Variants in MIPOL1 observed in about 807,000 individuals in gnomAD.
The protein encoded by MIPOL1 is mirror-image polydactyly gene 1 protein.
In MIPOL1, 57 loss-of-function variants were observed where a neutral mutation model predicts 60.9. That is an observed-to-expected ratio of 0.94 (90% confidence interval 0.76 to 1.17). The LOEUF (loss-of-function observed/expected upper bound fraction) is 1.17. MIPOL1 is among the 50% of genes most tolerant of loss of function. The pLI, the probability that MIPOL1 is intolerant of heterozygous loss-of-function variation, is 0.00. For synonymous variants in MIPOL1, 179 were observed against 168.8 expected, an observed-to-expected ratio of 1.06 and a Z score of -0.47; for missense variants, 551 against 511.6, an observed-to-expected ratio of 1.08 and a Z score of -0.74.
intron 10 of MIPOL1, among the ~76,000 whole-genome samples, chr14:37,411,284 TACACAACACATGATTTCTTTC>T (rs1396234672): frequency 3.3e-5 from 5 of 152,152 alleles, no homozygotes; most frequent in Admixed American, 2.0e-4. Flanking sequence ...GCAGTGATGT[TACACAACACATGATTTCTTTC>T]ACACAACCAC....
intron 9 of MIPOL1, among the ~76,000 whole-genome samples, chr14:37,316,163 A>G (rs2153441093): frequency 6.6e-6 from 1 of 151,774 alleles, no homozygotes; most frequent in South Asian, 2.1e-4. Flanking sequence ...AGTAGCTGGG[A>G]TTACAGGCCT....
intron 10 of MIPOL1, among the ~76,000 whole-genome samples, chr14:37,414,602 A>G (rs950504125): frequency 7.2e-5 from 11 of 152,142 alleles, no homozygotes; most frequent in African/African-American, 2.7e-4. Context: ...AATCCCTTTT[A>G]AATAATCATT....
At chr14:37,430,511 TTA>T (rs922509412) in intron 11 of MIPOL1, among the ~76,000 whole-genome samples, 56 of 94,142 alleles carry the variant, frequency 5.9e-4, no homozygotes, top group Non-Finnish European at 9.8e-4. Flanking sequence ...GTTTTTTTTT[TTA>T]AAAAAAAGTA....
rs369107786 is a variant in MIPOL1 at position 37,484,554 on chromosome 14, T to C, written c.1032-15354T>C. The stretch of plus-strand genomic sequence containing the variant: ...GGTTTCACCATGTTGTCCAGGATGG[T>C]CTCAATCTCTTGACCTCGTGATCCG... On this transcript the variant is annotated intron_variant, in intron 11 of 12. Transcript: ENST00000684589. Among the ~76,000 whole-genome samples the C allele has an allele frequency of 1.6e-4, 25 of 152,134 alleles. No individual in the cohort carries two copies. In the South Asian group the frequency reaches 5.0e-3, roughly 30 times the overall value.
At chr14:37,381,529 C>G (rs576077102) in intron 10 of MIPOL1, among the ~76,000 whole-genome samples, 24 of 150,402 alleles carry the variant, frequency 1.6e-4, no homozygotes, top group African/African-American at 5.6e-4. Flanking sequence ...TTTGAATAAT[C>G]AAAAAAATGT....
chr14:37,252,276 A>T (rs1001798706), intron 3 of MIPOL1, among the ~76,000 whole-genome samples: 4 of 151,880 alleles, frequency 2.6e-5, no homozygotes, highest in South Asian at 4.1e-4. Context: ...AAACATGATC[A>T]TGATTCTAAA....
intron 11 of MIPOL1, among the ~76,000 whole-genome samples, chr14:37,455,156 A>T (rs2094463711): frequency 6.6e-6 from 1 of 152,220 alleles, no homozygotes; most frequent in Admixed American, 6.5e-5. Context: ...AATGGAAGGC[A>T]GCAATGTCCT....
intron 11 of MIPOL1, among the ~76,000 whole-genome samples, chr14:37,447,549 G>C (rs2094356446): frequency 6.6e-6 from 1 of 152,044 alleles, no homozygotes; most frequent in African/African-American, 2.4e-5. Flanking sequence ...AGCTCCCTGA[G>C]GCACTCACCA....
At chr14:37,252,970 A>G (rs1974346115) in intron 3 of MIPOL1, among the ~76,000 whole-genome samples, 1 of 151,844 alleles carries the variant, frequency 6.6e-6, no homozygotes, top group Admixed American at 6.6e-5. Context: ...TGGTAGAAAA[A>G]AAGCTATTTC....
chr14:37,524,159 A>T (rs2095431303), intron 12 of MIPOL1, among the ~76,000 whole-genome samples: 1 of 152,118 alleles, frequency 6.6e-6, no homozygotes, highest in Admixed American at 6.6e-5. Context: ...TCAATCCGGG[A>T]TATATTCTGA....
intron 7 of MIPOL1, among the ~76,000 whole-genome samples, chr14:37,303,994 G>A (rs1370508585): frequency 6.6e-6 from 1 of 151,702 alleles, no homozygotes; most frequent in Non-Finnish European, 1.5e-5. Context: ...GTATCAGATG[G>A]TTCTATGAGG....
chr14:37,358,936 A>G (rs2092036362), intron 9 of MIPOL1, among the ~76,000 whole-genome samples: 2 of 152,098 alleles, frequency 1.3e-5, no homozygotes, highest in Admixed American at 6.6e-5. Context: ...GGTATTGCCT[A>G]GGTTTTCTTC....
chr14:37,549,315 T>G lies in MIPOL1; in HGVS notation c.*2344T>G, dbSNP rs1052114920. ...AAAGGCAAAATGCTAATACTAACAT[T>G]TGTAGCACTTGATGATTTACAAAGT... On this transcript the variant is annotated 3_prime_UTR_variant, in exon 13 of 13. Coordinates refer to ENST00000684589, the MANE Select transcript of MIPOL1 (RefSeq NM_001388067.1). The G allele has an allele frequency of 6.6e-6, 1 of 151,904 alleles. No individual in the cohort carries two copies. Among genetic ancestry groups the G allele is most frequent in the African/African-American group, 2.4e-5 (1 of 41,426 alleles). The allele number at this position is 151,904 out of a possible 1,614,324, so 9.4% of individuals were successfully genotyped here.
At chr14:37,475,841 T>A (rs2094764839) in intron 11 of MIPOL1, among the ~76,000 whole-genome samples, 2 of 152,184 alleles carry the variant, frequency 1.3e-5, no homozygotes, top group Non-Finnish European at 2.9e-5. Context: ...ATAGTAAGTC[T>A]TGAAGTTAGG....
rs146415541 is a variant in MIPOL1, at chr14:37,403,468, G to A, written c.937-19387G>A. Reference sequence around the variant, plus strand: ...TTTTTTTTTTTCAAGTAGAGATGGAGTCTCGCTGTCTTGCAGAGTCTGGTT... The same window carrying A: ...TTTTTTTTTTTCAAGTAGAGATGGAATCTCGCTGTCTTGCAGAGTCTGGTT... On this transcript the variant is annotated intron_variant, in intron 10 of 12. Coordinates refer to ENST00000684589, the MANE Select transcript of MIPOL1 (RefSeq NM_001388067.1). Among the ~76,000 whole-genome samples, 104 of 127,214 alleles carry A rather than the reference G, an allele frequency of 8.2e-4. 2 individuals are homozygous for A. The highest frequency in any genetic ancestry group is 0.011 in the Middle Eastern group (2 of 186). The allele number at this position is 127,214 out of a possible 152,430, so 83.5% of individuals were successfully genotyped here.
At chr14:37,339,973 C>T (rs1169588181) in intron 9 of MIPOL1, among the ~76,000 whole-genome samples, 1 of 152,150 alleles carries the variant, frequency 6.6e-6, no homozygotes, top group African/African-American at 2.4e-5. Context: ...GTGCATTTTA[C>T]TCTATGTAAT....
intron 9 of MIPOL1, among the ~76,000 whole-genome samples, chr14:37,366,357 C>T (rs2092470143): frequency 6.6e-6 from 1 of 151,964 alleles, no homozygotes; most frequent in African/African-American, 2.4e-5. Flanking sequence ...TTTCCATTAT[C>T]ATTTGTTTCA....
rs2094053806 is a variant in MIPOL1, at chr14:37,430,983, T to C, written c.1031+8034T>C. On this transcript the variant is annotated intron_variant, in intron 11 of 12. Coordinates refer to ENST00000684589, the MANE Select transcript of MIPOL1 (RefSeq NM_001388067.1). ...ATAGCTCTCAACTGCTAATTGTTAT[T>C]CTACAAAGTGACTCAACCTCCTTTT... 2.6e-5 allele frequency among the ~76,000 whole-genome samples: 4 copies of C among 152,192 alleles called. No homozygotes were observed. In the South Asian group the frequency reaches 8.3e-4, roughly 32 times the overall value.
intron 12 of MIPOL1, among the ~76,000 whole-genome samples, chr14:37,519,905 T>C (rs12147939): frequency 0.67 from 101,316 of 151,890 alleles, 34,176 homozygotes; most frequent in East Asian, 0.85. Flanking sequence ...TACCACTGTC[T>C]AAATTTTTAT....
Sources: allele counts gnomAD v4.1 joint callset (sites outside exome capture counted in the v4.1 genomes callset), GRCh38; gene constraint gnomAD v4.1.1; transcripts MANE v1.5; gene names NCBI Gene and HGNC (gene_info 2026-07-23, HGNC 2026-07-21).